Variants in COX5A observed in about 807,000 individuals in gnomAD.
COX5A encodes cytochrome c oxidase subunit 5A, mitochondrial.
Under a neutral mutation model 16.1 loss-of-function variants are expected in COX5A, and 6 were observed. The ratio of observed to expected loss-of-function variants is 0.37; its 90% CI spans 0.20 to 0.73. The LOEUF (loss-of-function observed/expected upper bound fraction) is 0.73. Among genes scored for constraint, COX5A ranks in the 30% least tolerant of loss-of-function variants. COX5A has a pLI of 0.50. For missense variants in COX5A, 159 were observed against 194.9 expected, an observed-to-expected ratio of 0.82 and a Z score of 1.10; for synonymous variants, 73 against 73.8, an observed-to-expected ratio of 0.99 and a Z score of 0.06.
intron 2 of COX5A, 82 bp from the exon 3 acceptor site, chr15:74,926,969 C>T: frequency 6.9e-7 from 1 of 1,458,664 alleles, no homozygotes; most frequent in Non-Finnish European, 9.3e-7. Flanking sequence ...TACTGAATCA[C>T]TGATGTATGA....
chr15:74,929,433 A>T (rs2065357036), intron 1 of COX5A, among the ~76,000 whole-genome samples: 3 of 152,238 alleles, frequency 2.0e-5, no homozygotes, highest in Non-Finnish European at 4.4e-5. Context: ...AAAAAGTATT[A>T]CATAGGCATG....
At position 74,929,108 on chromosome 15, in the gene COX5A, C is replaced by T; in HGVS notation, c.217+8G>A. 1 of 1,574,926 alleles carries T rather than the reference C, an allele frequency of 6.3e-7. No individual in the cohort carries two copies. The highest frequency in any genetic ancestry group is 8.7e-7 in the Non-Finnish European group (1 of 1,144,592). Reference sequence around the variant, plus strand: ...CAAAATAGACAAATATGTTTATGTTCCAATTACCTTTACGCAATTCCCAGG... The same window carrying T: ...CAAAATAGACAAATATGTTTATGTTTCAATTACCTTTACGCAATTCCCAGG... On this transcript the variant is annotated splice_region_variant and intron_variant, in intron 2 of 4. Coordinates refer to ENST00000322347, the MANE Select transcript of COX5A (RefSeq NM_004255.4).
intron 1 of COX5A, 166 bp downstream of exon 1, chr15:74,937,749 G>A (rs777523345): frequency 4.9e-6 from 2 of 409,996 alleles, no homozygotes; most frequent in Non-Finnish European, 8.3e-6. Flanking sequence ...GCGCTTTCAG[G>A]TCCTCCACTA....
chr15:74,926,691 A>C, intron 3 of COX5A, 75 bp downstream of exon 3: 1 of 1,478,372 alleles, frequency 6.8e-7, no homozygotes, highest in South Asian at 1.3e-5. Flanking sequence ...CAAATTCAAA[A>C]ATACAGAATA....
chr15:74,936,619 A>C (rs1048896957), intron 1 of COX5A, among the ~76,000 whole-genome samples: 12 of 133,818 alleles, frequency 9.0e-5, no homozygotes, highest in Non-Finnish European at 1.6e-4. Flanking sequence ...AGCAAAACAT[A>C]TTCTTTTTTT....
intron 1 of COX5A, 46 bp downstream of exon 1, chr15:74,937,869 A>G (rs2065399070): frequency 1.8e-6 from 2 of 1,127,948 alleles, no homozygotes; most frequent in African/African-American, 1.6e-5. Context: ...GACCCAGGTC[A>G]CCGCAAGGAC....
rs566103666 is a variant in COX5A, at chr15:74,923,148, G to A, written c.*9+500C>T. On this transcript the variant is annotated intron_variant, in intron 4 of 4. Transcript: ENST00000322347. ...CTACCAGTAAGAAAATAATGATGCC[G>A]GGCGCGGTGGCTCAAGCCTGTAATC... Among the ~76,000 whole-genome samples the A allele has an allele frequency of 4.6e-5, 7 of 151,986 alleles. No homozygotes were observed. In the South Asian group the frequency reaches 6.2e-4, roughly 14 times the overall value.
Position 74,926,630 on chromosome 15 carries a change from T to C in COX5A, c.339+136A>G, listed in dbSNP as rs1301126372. On this transcript the variant is annotated intron_variant, in intron 3 of 4. Transcript: ENST00000322347. ...AAGTAGCCTCTAGAAAGATTTTAAC[T>C]GCAATGTACATTCCTTCTAGTTATA... The C allele has an allele frequency of 6.1e-6, 5 of 816,936 alleles. No homozygotes were observed. In the East Asian group the frequency reaches 1.2e-4, roughly 20 times the overall value. 50.6% of individuals were successfully genotyped at this position (816,936 alleles called of 1,614,324 possible).
intron 2 of COX5A, among the ~76,000 whole-genome samples, chr15:74,927,667 G>A (rs545869016): frequency 1.5e-3 from 232 of 152,098 alleles, no homozygotes; most frequent in Non-Finnish European, 1.9e-3. Flanking sequence ...AGCTACTCTC[G>A]AGGCTGAGGC....
intron 1 of COX5A, among the ~76,000 whole-genome samples, chr15:74,937,065 T>C (rs1192415881): frequency 1.3e-5 from 2 of 152,158 alleles, no homozygotes; most frequent in Non-Finnish European, 2.9e-5. Context: ...AAGCTAAATT[T>C]CACGGACCAA....
chr15:74,922,042 ATAAAT>A (rs993392256), intron 4 of COX5A, among the ~76,000 whole-genome samples: 4 of 152,138 alleles, frequency 2.6e-5, no homozygotes, highest in Admixed American at 6.6e-5. Flanking sequence ...TTAAAAATAA[ATAAAT>A]TAAACAAAAA....
intron 1 of COX5A, among the ~76,000 whole-genome samples, chr15:74,933,100 C>G (rs942626592): frequency 1.3e-5 from 2 of 151,748 alleles, no homozygotes; most frequent in Non-Finnish European, 2.9e-5. Flanking sequence ...TCTTACAAGA[C>G]TAATATTCAA....
At chr15:74,931,056 T>G (rs948414542) in intron 1 of COX5A, among the ~76,000 whole-genome samples, 2 of 148,472 alleles carry the variant, frequency 1.3e-5, no homozygotes, top group East Asian at 4.2e-4. Flanking sequence ...ATTCTCATGT[T>G]ATTATATTCC....
At chr15:74,931,222 T>C (rs1268954653) in intron 1 of COX5A, among the ~76,000 whole-genome samples, 9 of 151,784 alleles carry the variant, frequency 5.9e-5, no homozygotes, top group African/African-American at 1.9e-4. Flanking sequence ...TATTTTGGGC[T>C]GGGCGCAGTG....
chr15:74,920,749 G>A (rs1048264977), intron 4 of COX5A, among the ~76,000 whole-genome samples: 3 of 152,150 alleles, frequency 2.0e-5, no homozygotes, highest in Admixed American at 1.3e-4. Context: ...AAGCCGAGGC[G>A]AATGGATTGC....
intron 2 of COX5A, among the ~76,000 whole-genome samples, chr15:74,927,330 C>A (rs1000762032): frequency 1.3e-5 from 2 of 152,002 alleles, no homozygotes; most frequent in African/African-American, 4.8e-5. Context: ...GCGGGTGCCA[C>A]CAAGCCCAGC....
intron 1 of COX5A, among the ~76,000 whole-genome samples, chr15:74,935,421 C>T (rs1355232328): frequency 1.3e-5 from 2 of 151,870 alleles, no homozygotes; most frequent in Admixed American, 1.3e-4. Flanking sequence ...CTCCTGAGCC[C>T]AGGAGTCCCC....
rs1349751654 is a variant in COX5A, at chr15:74,920,393, A to C, written c.*59T>G. Reference sequence around the variant, plus strand: ...TATGTTATCATCAGTATTTCCAGGTAACTGTTCACACTCAAGTAGCAATGT... The same window carrying C: ...TATGTTATCATCAGTATTTCCAGGTCACTGTTCACACTCAAGTAGCAATGT... On this transcript the variant is annotated 3_prime_UTR_variant, in exon 5 of 5. Coordinates refer to ENST00000322347, the MANE Select transcript of COX5A (RefSeq NM_004255.4). 1 of 695,366 alleles carries C rather than the reference A, an allele frequency of 1.4e-6. No individual in the cohort carries two copies. Among genetic ancestry groups the C allele is most frequent in the African/African-American group, 1.8e-5 (1 of 57,078 alleles). The allele number at this position is 695,366 out of a possible 1,614,324, so 43.1% of individuals were successfully genotyped here.
rs766295923 is a variant in COX5A, at chr15:74,923,684, C to T, written c.426G>A (p.Pro142=). The T allele has an allele frequency of 9.9e-5, 159 of 1,611,286 alleles. No homozygotes were observed. Among genetic ancestry groups the T allele is most frequent in the Non-Finnish European group, 1.2e-4 (144 of 1,179,364 alleles). Residue 142 remains proline (P), a synonymous_variant, in exon 4 of 5, where the codon CCG becomes CCA. Transcript: ENST00000322347. ...ACACTTTGTCAAGGCCCAGTTCCTC[C>T]GGAGTGGAGATTCCCAGTTCATTTA... ...PTLNELGIST[P]EELGLDKV
Sources: gnomAD v4.1 joint callset for allele counts (sites outside exome capture counted in the v4.1 genomes callset) on GRCh38, gnomAD v4.1.1 for gene constraint, MANE v1.5 for transcripts, NCBI Gene and HGNC (gene_info 2026-07-23, HGNC 2026-07-21) for gene names.